Variants in PHACTR1 observed in about 807,000 individuals in gnomAD.
The protein encoded by PHACTR1 is phosphatase and actin regulator 1.
In PHACTR1, 16 loss-of-function variants were observed where a neutral mutation model predicts 69.2. That is an observed-to-expected ratio of 0.23 (90% CI 0.16 to 0.35). The LOEUF is 0.35. Among genes scored for constraint, PHACTR1 ranks in the 10% least tolerant of loss-of-function variants. The pLI, the probability that PHACTR1 is intolerant of heterozygous loss-of-function variation, is 1.00. For missense variants in PHACTR1, 510 were observed against 734.7 expected, an observed-to-expected ratio of 0.69 and a Z score of 3.54; for synonymous variants, 312 against 284.5, an observed-to-expected ratio of 1.10 and a Z score of -0.97.
intron 7 of PHACTR1, among the ~76,000 whole-genome samples, chr6:13,188,352 A>G (rs1763080870): frequency 6.6e-6 from 1 of 152,226 alleles, no homozygotes; most frequent in African/African-American, 2.4e-5. Context: ...TCTGTTACTA[A>G]TTGCTCTGAA....
chr6:12,828,310 A>G (rs1010786128), intron 4 of PHACTR1, among the ~76,000 whole-genome samples: 1 of 152,252 alleles, frequency 6.6e-6, no homozygotes, highest in Admixed American at 6.5e-5. Context: ...CTTATACAGT[A>G]CATTTCCTAT....
chr6:12,982,740 C>T (rs887721053), intron 4 of PHACTR1, among the ~76,000 whole-genome samples: 1 of 152,184 alleles, frequency 6.6e-6, no homozygotes, highest in African/African-American at 2.4e-5. Context: ...TTCCAAAAAT[C>T]GCTAGACTTG....
At chr6:13,119,005 T>C (rs550165353) in intron 5 of PHACTR1, among the ~76,000 whole-genome samples, 46 of 152,284 alleles carry the variant, frequency 3.0e-4, no homozygotes, top group African/African-American at 1.1e-3. Flanking sequence ...TAGCACATAA[T>C]AGACCCTGAA....
Position 12,899,256 on chromosome 6 carries a change from A to C in PHACTR1, c.250+149466A>C, listed in dbSNP as rs141058406. Among the ~76,000 whole-genome samples, 563 of 152,328 alleles carry C rather than the reference A, an allele frequency of 3.7e-3. 3 individuals carry two copies. The highest frequency in any genetic ancestry group is 0.013 in the African/African-American group (540 of 41,568). ...TCACATGCCTGACATACAGTAAGGG[A>C]TCAAGAAATATTCATTGCAGCAAGG... On this transcript the variant is annotated intron_variant, in intron 4 of 14. Coordinates refer to ENST00000332995, the MANE Select transcript of PHACTR1 (RefSeq NM_030948.6).
chr6:12,910,804 C>T, intron 4 of PHACTR1, among the ~76,000 whole-genome samples: 1 of 152,160 alleles, frequency 6.6e-6, no homozygotes, highest in East Asian at 1.9e-4. Context: ...GTGGCAAAGC[C>T]TGGATCTGAA....
At chr6:12,934,049 C>G in intron 4 of PHACTR1, 1 of 1,410,920 alleles carries the variant, frequency 7.1e-7, no homozygotes, top group Middle Eastern at 2.6e-4. Context: ...AGTCCCAAAT[C>G]AAGGTGTTGG....
At chr6:12,985,565 CAGAGAG>C (rs569513582) in intron 4 of PHACTR1, among the ~76,000 whole-genome samples, 3 of 142,604 alleles carry the variant, frequency 2.1e-5, no homozygotes, top group Non-Finnish European at 4.6e-5. Context: ...TATATATACA[CAGAGAG>C]AGAGAGTCAT....
At chr6:12,730,986 T>TTTTATTTATTTATTTATTTA (rs10648753) in intron 3 of PHACTR1, among the ~76,000 whole-genome samples, 9 of 137,948 alleles carry the variant, frequency 6.5e-5, no homozygotes, top group Non-Finnish European at 1.1e-4. Context: ...ATATTACCTT[T>TTTTATTTATTTATTTATTTA]TTTATTTATT....
At chr6:12,885,821 A>G (rs1215962362) in intron 4 of PHACTR1, among the ~76,000 whole-genome samples, 3 of 152,324 alleles carry the variant, frequency 2.0e-5, no homozygotes, top group South Asian at 4.1e-4. Flanking sequence ...GAGGCCGGAC[A>G]CAGTGGCCCA....
chr6:12,754,076 C>T (rs2127600483), intron 4 of PHACTR1, among the ~76,000 whole-genome samples: 1 of 150,046 alleles, frequency 6.7e-6, no homozygotes, highest in South Asian at 2.1e-4. Context: ...CATTCTCCTG[C>T]CTCAGCCTCC....
intron 5 of PHACTR1, among the ~76,000 whole-genome samples, chr6:13,060,302 T>TG (rs1807480120): frequency 6.6e-6 from 1 of 151,944 alleles, no homozygotes; most frequent in Non-Finnish European, 1.5e-5. Context: ...TGGTAGGAGC[T>TG]GGGGTAAGAT....
At chr6:13,254,392 G>A (rs1774899067) in intron 10 of PHACTR1, among the ~76,000 whole-genome samples, 1 of 152,174 alleles carries the variant, frequency 6.6e-6, no homozygotes, top group South Asian at 2.1e-4. Flanking sequence ...CTTAGTTGGA[G>A]TATTGGGCCC....
chr6:13,273,044 C>T, intron 11 of PHACTR1, 129 bp downstream of exon 11: 1 of 1,339,838 alleles, frequency 7.5e-7, no homozygotes, highest in Non-Finnish European at 1.0e-6. Flanking sequence ...ACGGTTGAAG[C>T]TTCATGTGTG....
chr6:13,184,771 C>T, intron 7 of PHACTR1: 1 of 1,360,236 alleles, frequency 7.4e-7, no homozygotes, highest in African/African-American at 1.5e-5. Context: ...TGTAATGTCT[C>T]CTGTGTATCA....
At chr6:12,789,224 A>C (rs1771919462) in intron 4 of PHACTR1, among the ~76,000 whole-genome samples, 3 of 152,122 alleles carry the variant, frequency 2.0e-5, no homozygotes. Flanking sequence ...ACCTCATCTT[A>C]CTTGGCTGGT....
chr6:12,819,251 G>T (rs1160066518), intron 4 of PHACTR1, among the ~76,000 whole-genome samples: 1 of 152,122 alleles, frequency 6.6e-6, no homozygotes, highest in Non-Finnish European at 1.5e-5. Flanking sequence ...ATGAGATAAT[G>T]GGCATTATGT....
At chr6:12,873,843 G>A (rs947615546) in intron 4 of PHACTR1, among the ~76,000 whole-genome samples, 1 of 152,200 alleles carries the variant, frequency 6.6e-6, no homozygotes, top group South Asian at 2.1e-4. Context: ...TCTGGGCCCT[G>A]CAGGCCAAAT....
intron 4 of PHACTR1, among the ~76,000 whole-genome samples, chr6:12,765,132 CAAG>C (rs552393809): frequency 1.9e-3 from 292 of 152,232 alleles, no homozygotes; most frequent in Non-Finnish European, 3.0e-3. Context: ...ACAACTCAGG[CAAG>C]AAGAAGGCTC....
At chr6:13,143,950 G>A (rs1181744433) in intron 5 of PHACTR1, among the ~76,000 whole-genome samples, 4 of 151,956 alleles carry the variant, frequency 2.6e-5, no homozygotes. Flanking sequence ...CAGAATAAAG[G>A]GGAATATCTT....
Sources: gnomAD v4.1 joint callset for allele counts (sites outside exome capture counted in the v4.1 genomes callset) on GRCh38, gnomAD v4.1.1 for gene constraint, MANE v1.5 for transcripts, NCBI Gene and HGNC (gene_info 2026-07-23, HGNC 2026-07-21) for gene names.